Variants in DLGAP2 observed in about 807,000 individuals in gnomAD.
The protein encoded by DLGAP2 is disks large-associated protein 2.
A neutral mutation model predicts 100.3 loss-of-function variants in DLGAP2; 26 were observed. That is an observed-to-expected ratio of 0.26 (90% CI 0.19 to 0.36). The LOEUF is 0.36. DLGAP2 is among the 10% of genes least tolerant of loss of function. DLGAP2 has a pLI of 1.00. For synonymous variants in DLGAP2, 886 were observed against 630.1 expected (o/e 1.41, Z -6.08); for missense variants, 1,858 against 1,453.2 (o/e 1.28, Z -4.53).
intron 3 of DLGAP2, among the ~76,000 whole-genome samples, chr8:1,389,442 C>T (rs1341031524): frequency 1.3e-5 from 2 of 152,046 alleles, no homozygotes; most frequent in Admixed American, 1.3e-4. Flanking sequence ...TGACAAGGGG[C>T]CCTGCTGAGG....
intron 10 of DLGAP2, among the ~76,000 whole-genome samples, chr8:1,674,657 A>C (rs1798768008): frequency 6.6e-6 from 1 of 152,228 alleles, no homozygotes; most frequent in African/African-American, 2.4e-5. Context: ...CAAAATTATA[A>C]AGTGCAAATA....
intron 2 of DLGAP2, among the ~76,000 whole-genome samples, chr8:1,099,568 G>A (rs1003092619): frequency 1.3e-5 from 2 of 152,192 alleles, no homozygotes; most frequent in African/African-American, 4.8e-5. Context: ...CCCTTTCAGA[G>A]GCTACCAGGA....
At chr8:1,352,914 CCAGCT>C (rs1302287754) in intron 3 of DLGAP2, among the ~76,000 whole-genome samples, 2 of 152,176 alleles carry the variant, frequency 1.3e-5, no homozygotes, top group Admixed American at 6.5e-5. Flanking sequence ...CTCCGGTCTT[CCAGCT>C]CAGCCTGCCA....
At chr8:1,697,379 AC>A (rs1356776599) in intron 14 of DLGAP2, 80 bp downstream of exon 14, 3 of 1,497,576 alleles carry the variant, frequency 2.0e-6, no homozygotes, top group Admixed American at 4.6e-5. Flanking sequence ...ATAGAGCATG[AC>A]AACGGGGTTC....
chr8:1,119,075 T>G (rs553809521), intron 2 of DLGAP2, among the ~76,000 whole-genome samples: 66 of 152,366 alleles, frequency 4.3e-4, no homozygotes, highest in African/African-American at 1.6e-3. Flanking sequence ...TTCCTACTAC[T>G]TTATAACCGA....
At chr8:802,549 C>T (rs1168568741) in intron 1 of DLGAP2, among the ~76,000 whole-genome samples, 1 of 152,196 alleles carries the variant, frequency 6.6e-6, no homozygotes, top group Non-Finnish European at 1.5e-5. Context: ...CCGGACGGCA[C>T]ATCCAGCTCT....
chr8:1,080,848 C>G (rs191433837), intron 2 of DLGAP2, among the ~76,000 whole-genome samples: 4 of 152,156 alleles, frequency 2.6e-5, no homozygotes, highest in Admixed American at 6.5e-5. Flanking sequence ...AGGCTACTTT[C>G]TCATACTGGA....
chr8:1,118,733 T>A (rs963517668), intron 2 of DLGAP2, among the ~76,000 whole-genome samples: 1 of 152,152 alleles, frequency 6.6e-6, no homozygotes, highest in African/African-American at 2.4e-5. Context: ...TAAATATACA[T>A]GTACTATGTG....
chr8:1,191,995 C>T (rs1797650176), intron 2 of DLGAP2, among the ~76,000 whole-genome samples: 1 of 152,216 alleles, frequency 6.6e-6, no homozygotes, highest in Admixed American at 6.5e-5. Context: ...AAAATCACAG[C>T]ATGGGGCTGT....
At chr8:1,359,140 C>G (rs996039025) in intron 3 of DLGAP2, among the ~76,000 whole-genome samples, 1 of 152,178 alleles carries the variant, frequency 6.6e-6, no homozygotes, top group Non-Finnish European at 1.5e-5. Context: ...AGAACCACCC[C>G]TCTAGGCCAC....
chr8:1,124,013 A>G (rs1796108560), intron 2 of DLGAP2, among the ~76,000 whole-genome samples: 1 of 137,316 alleles, frequency 7.3e-6, no homozygotes, highest in Admixed American at 7.1e-5. Flanking sequence ...AGAGCGTGGT[A>G]TTCTTAAAAA....
intron 2 of DLGAP2, among the ~76,000 whole-genome samples, chr8:1,236,498 G>C (rs1461723857): frequency 3.6e-5 from 1 of 27,922 alleles, no homozygotes; most frequent in Non-Finnish European, 6.4e-5. Context: ...CTCTCACACA[G>C]AGCATCATGT....
intron 3 of DLGAP2, among the ~76,000 whole-genome samples, chr8:1,457,699 C>A (rs1798353231): frequency 6.6e-6 from 1 of 152,116 alleles, no homozygotes; most frequent in East Asian, 1.9e-4. Flanking sequence ...TAATGCAAAG[C>A]ATAACTTCCT....
chr8:1,127,937 G>A (rs929018944), intron 2 of DLGAP2, among the ~76,000 whole-genome samples: 6 of 152,180 alleles, frequency 3.9e-5, no homozygotes, highest in East Asian at 1.9e-4. Flanking sequence ...ATTAAGCCAC[G>A]CAAAATGTTC....
intron 2 of DLGAP2, among the ~76,000 whole-genome samples, chr8:1,022,221 A>G (rs1384843157): frequency 4.8e-4 from 65 of 135,864 alleles, no homozygotes; most frequent in Middle Eastern, 5.0e-3. Flanking sequence ...GGGAGTGGAC[A>G]GTCCCATGCC....
intron 3 of DLGAP2, among the ~76,000 whole-genome samples, chr8:1,271,259 G>A (rs1240767170): frequency 6.6e-6 from 1 of 152,164 alleles, no homozygotes; most frequent in African/African-American, 2.4e-5. Context: ...CCAGCACTGA[G>A]AGACCTCCAG....
At chr8:1,430,319 T>C (rs1283102104) in intron 3 of DLGAP2, among the ~76,000 whole-genome samples, 1 of 152,102 alleles carries the variant, frequency 6.6e-6, no homozygotes, top group Non-Finnish European at 1.5e-5. Flanking sequence ...ATTAAATCTT[T>C]AGTGGCTTCA....
At chr8:810,855 A>G (rs972757700) in intron 1 of DLGAP2, among the ~76,000 whole-genome samples, 1 of 152,206 alleles carries the variant, frequency 6.6e-6, no homozygotes, top group Non-Finnish European at 1.5e-5. Flanking sequence ...TTCCTTAGGG[A>G]CATGTGTTTA....
intron 1 of DLGAP2, among the ~76,000 whole-genome samples, chr8:847,159 T>C (rs1171101830): frequency 1.3e-5 from 2 of 152,236 alleles, no homozygotes; most frequent in South Asian, 2.1e-4. Context: ...ATAACTGTTA[T>C]GGTTATAGGA....
Sources: allele counts gnomAD v4.1 joint callset (sites outside exome capture counted in the v4.1 genomes callset), GRCh38; gene constraint gnomAD v4.1.1; transcripts MANE v1.5; gene names NCBI Gene and HGNC (gene_info 2026-07-23, HGNC 2026-07-21).